ITGB4: variants seen among roughly 807,000 people sequenced by gnomAD.
The protein encoded by ITGB4 is integrin subunit beta 4.
A neutral mutation model predicts 207.6 loss-of-function variants in ITGB4; 159 were observed. That is an observed-to-expected ratio of 0.77 (90% confidence interval 0.67 to 0.87). The LOEUF (loss-of-function observed/expected upper bound fraction) is 0.87, where lower values mean the gene tolerates loss of function less well. Ranked by LOEUF, ITGB4 falls within the 40% of genes least tolerant of loss-of-function variation. The probability of loss-of-function intolerance (pLI) is 0.00; values close to 1 mark genes in which losing one functional copy is unlikely to be tolerated. For synonymous variants in ITGB4, 1,020 were observed against 1,062.7 expected, an observed-to-expected ratio of 0.96 and a Z score of 0.78; for missense variants, 2,278 against 2,546.8, an observed-to-expected ratio of 0.89 and a Z score of 2.27.
Position 75,742,801 on chromosome 17 carries a change from C to T in ITGB4, c.2962+40C>T, listed in dbSNP as rs764517233. On this transcript the variant is annotated intron_variant, in intron 25 of 39. Transcript: ENST00000200181. This position sits in a 1 kb window ranked among gnomAD's most constrained non-coding sequence, Gnocchi z 5.9. Reference sequence around the variant, plus strand: ...GGAGAGTGGGGAAGGCAGACGGGGGCTCGGGGGCACTGGTTCCTCCTGCTT... The same window carrying T: ...GGAGAGTGGGGAAGGCAGACGGGGGTTCGGGGGCACTGGTTCCTCCTGCTT... 1.7e-5 allele frequency: 27 copies of T among 1,562,940 alleles called. 1 individual carries two copies. The highest frequency in any genetic ancestry group is 3.4e-5 in the South Asian group (3 of 88,748).
At chr17:75,755,016 ACTCCCTGCTC>A in intron 34 of ITGB4, 3 of 1,581,812 alleles carry the variant, frequency 1.9e-6, no homozygotes, top group Non-Finnish European at 2.6e-6. Context: ...ATGCATGCAC[ACTCCCTGCTC>A]CTCTCACTCT....
intron 32 of ITGB4, among the ~76,000 whole-genome samples, chr17:75,753,310 C>T (rs2061410410): frequency 6.6e-6 from 1 of 152,202 alleles, no homozygotes; most frequent in South Asian, 2.1e-4. Flanking sequence ...TGGTGTGACT[C>T]TGGAACCCCA....
rs760900675 is a variant in ITGB4 at position 75,749,090 on chromosome 17, ACTGGGGGGTCT to A, written c.3316+48_3316+58del. 7.1e-5 allele frequency: 107 copies of A among 1,502,470 alleles called. 2 individuals are homozygous for A. The South Asian group carries it at 1.1e-3, about 16-fold the overall frequency. 93.1% of individuals were successfully genotyped at this position (1,502,470 alleles called of 1,614,324 possible). On this transcript the variant is annotated intron_variant, in intron 27 of 39. Coordinates refer to ENST00000200181, the MANE Select transcript of ITGB4 (RefSeq NM_000213.5). Reference sequence around the variant, plus strand: ...CGGCTTAAGCAGGAGGAGAGGGAAGACTGGGGGGTCTCTCAACTAGGTCTGTCAGACTTAGC... The same window carrying A: ...CGGCTTAAGCAGGAGGAGAGGGAAGACTCAACTAGGTCTGTCAGACTTAGC...
chr17:75,751,865 C>G (rs1052516284), intron 30 of ITGB4: 6 of 458,608 alleles, frequency 1.3e-5, no homozygotes, highest in African/African-American at 1.2e-4. Flanking sequence ...AACCCCTATG[C>G]GTGCCCTTGC....
Position 75,742,815 on chromosome 17 carries a change from T to G in ITGB4, c.2962+54T>G. 2 of 1,531,704 alleles carry G rather than the reference T, an allele frequency of 1.3e-6. No individual in the cohort carries two copies. 94.9% of individuals were successfully genotyped at this position (1,531,704 alleles called of 1,614,324 possible). A position where few individuals can be genotyped will look rare whatever the true frequency, so the allele number is the denominator to read the frequency against. On this transcript the variant is annotated intron_variant, in intron 25 of 39. Transcript: ENST00000200181. The surrounding 1 kb of genome is among the most constrained non-coding windows in gnomAD (Gnocchi z 5.9). ...GCAGACGGGGGCTCGGGGGCACTGGTTCCTCCTGCTTAAGTGGAATTGCGA... is the reference window on the plus strand; with the variant it reads ...GCAGACGGGGGCTCGGGGGCACTGGGTCCTCCTGCTTAAGTGGAATTGCGA...
chr17:75,741,100 C>T, intron 23 of ITGB4, 95 bp downstream of exon 23: 1 of 1,399,210 alleles, frequency 7.1e-7, no homozygotes, highest in Non-Finnish European at 9.9e-7. Context: ...CCATCTCCAT[C>T]CCATAGGAAG....
chr17:75,749,095 G>A lies in ITGB4; in HGVS notation c.3316+50G>A, dbSNP rs759360682. On this transcript the variant is annotated intron_variant, in intron 27 of 39. Coordinates refer to ENST00000200181, the MANE Select transcript of ITGB4 (RefSeq NM_000213.5). ...TAAGCAGGAGGAGAGGGAAGACTGG[G>A]GGGTCTCTCAACTAGGTCTGTCAGA... 4.7e-6 allele frequency: 7 copies of A among 1,480,744 alleles called. No homozygotes were observed. In the East Asian group the frequency reaches 1.4e-4, roughly 29 times the overall value. The allele number at this position is 1,480,744 out of a possible 1,614,324, so 91.7% of individuals were successfully genotyped here. A position where few individuals can be genotyped will look rare whatever the true frequency, so the allele number is the denominator to read the frequency against.
intron 35 of ITGB4, 42 bp from the exon 36 acceptor site, chr17:75,756,387 A>G (rs1168731260): frequency 3.1e-6 from 5 of 1,603,706 alleles, no homozygotes; most frequent in Non-Finnish European, 3.4e-6. Context: ...CAGGGGTGGG[A>G]GTAACACTGC....
chr17:75,752,104 C>T (rs1312926825), intron 30 of ITGB4, 70 bp from the exon 31 acceptor site: 1 of 1,521,642 alleles, frequency 6.6e-7, no homozygotes, highest in African/African-American at 1.4e-5. Context: ...GGCCGTCCTG[C>T]TGTGTCAGGG....
At chr17:75,735,224 A>G (rs1293200755) in intron 13 of ITGB4, among the ~76,000 whole-genome samples, 1 of 151,502 alleles carries the variant, frequency 6.6e-6, no homozygotes, top group African/African-American at 2.4e-5. Flanking sequence ...AGAAGCTGGG[A>G]TTACAGGGGC....
intron 18 of ITGB4, 76 bp downstream of exon 18, chr17:75,737,720 G>C: frequency 8.0e-7 from 1 of 1,247,840 alleles, no homozygotes; most frequent in Non-Finnish European, 1.2e-6. Flanking sequence ...CCTCCACCAG[G>C]GTCCCCAGTC....
intron 8 of ITGB4, 51 bp downstream of exon 8, chr17:75,730,555 T>C (rs372245155): frequency 1.9e-6 from 3 of 1,604,874 alleles, no homozygotes; most frequent in Non-Finnish European, 2.6e-6. Context: ...AGGGGGTCCA[T>C]GGAGCTTCTC....
chr17:75,757,259 TACAGCAGCATCACCACCACCC>T lies in ITGB4; in HGVS notation c.5282_5302del (p.Ser1761_His1767del), dbSNP rs756717128. 335 of 1,611,180 alleles carry T rather than the reference TACAGCAGCATCACCACCACCC, an allele frequency of 2.1e-4. 3 individuals carry two copies. The Admixed American group carries it at 5.6e-3, about 27-fold the overall frequency. ...CTTCCAGCACCCGCTGCAAAGCGAG[TACAGCAGCATCACCACCACCC>T]ACACCAGCGCCACCGAGCCCTTCCT... is the stretch of plus-strand genomic sequence containing the variant. On this transcript the variant is annotated inframe_deletion, in exon 39 of 40. Coordinates refer to ENST00000200181, the MANE Select transcript of ITGB4 (RefSeq NM_000213.5).
rs2061359252 is a variant in ITGB4, at chr17:75,751,158, G to A, written c.3793+47G>A. 1.9e-6 allele frequency: 3 copies of A among 1,606,864 alleles called. No individual in the cohort carries two copies. The Admixed American group carries it at 5.0e-5, about 27-fold the overall frequency. On this transcript the variant is annotated intron_variant, in intron 30 of 39. Transcript: ENST00000200181. ...CCTGCCCACAGGGAGAACAGCCATG[G>A]AAGGGGAGGGGACAAAGCTGGAGGG...
rs573432171 is a variant in ITGB4, at chr17:75,755,078, G to T, written c.4558+263G>T. The T allele has an allele frequency of 8.7e-6, 14 of 1,600,168 alleles. No individual in the cohort carries two copies. The East Asian group carries it at 1.8e-4, about 21-fold the overall frequency. On this transcript the variant is annotated intron_variant, in intron 34 of 39. Coordinates refer to ENST00000200181, the MANE Select transcript of ITGB4 (RefSeq NM_000213.5). ...AGGCCTCCCTCCCATCTGGGAACAC[G>T]GGAGGAGCAGGCTTCCGCTGTCCTG...
rs1404480475 is a variant in ITGB4 at position 75,721,542 on chromosome 17, G to C, written c.-81G>C. Reference sequence around the variant, plus strand: ...ATCTCCTAGCGGCAGCCCAGGCGCGGAGGGAGCGAGTCCGCCCCGAGGTAG... The same window carrying C: ...ATCTCCTAGCGGCAGCCCAGGCGCGCAGGGAGCGAGTCCGCCCCGAGGTAG... On this transcript the variant is annotated 5_prime_UTR_variant, in exon 1 of 40. Coordinates refer to ENST00000200181, the MANE Select transcript of ITGB4 (RefSeq NM_000213.5). 6.6e-6 allele frequency: 1 copy of C among 151,826 alleles called. No individual in the cohort carries two copies. Among genetic ancestry groups the C allele is most frequent in the Non-Finnish European group, 1.5e-5 (1 of 67,952 alleles). The allele number at this position is 151,826 out of a possible 1,614,324, so 9.4% of individuals were successfully genotyped here. A position where few individuals can be genotyped will look rare whatever the true frequency, so the allele number is the denominator to read the frequency against.
chr17:75,733,160 G>A (rs890795288), intron 12 of ITGB4, among the ~76,000 whole-genome samples: 21 of 151,954 alleles, frequency 1.4e-4, no homozygotes, highest in African/African-American at 4.8e-4. Flanking sequence ...AGGCCGAGGT[G>A]GGCGGATCAC....
At chr17:75,730,742 C>A in intron 8 of ITGB4, 133 bp from the exon 9 acceptor site, 1 of 1,032,726 alleles carries the variant, frequency 9.7e-7, no homozygotes, top group Non-Finnish European at 1.5e-6. Context: ...CAGGTGGGGG[C>A]TAAGAGGGCA....
chr17:75,726,596 G>A (rs1051070622), intron 2 of ITGB4, among the ~76,000 whole-genome samples: 4 of 151,824 alleles, frequency 2.6e-5, no homozygotes. Context: ...GCCAGGCATG[G>A]TGGTGCCCAC....
Sources: gnomAD v4.1 joint callset for allele counts (sites outside exome capture counted in the v4.1 genomes callset) on GRCh38, gnomAD v4.1.1 for gene constraint, Gnocchi (gnomAD v3.1) non-coding constraint, MANE v1.5 for transcripts, NCBI Gene and HGNC (gene_info 2026-07-23, HGNC 2026-07-21) for gene names.